The following TRMO variants were observed in gnomAD, a reference collection of about 807,000 sequenced individuals.
TRMO encodes tRNA methyltransferase O.
A neutral mutation model predicts 37.2 loss-of-function variants in TRMO; 30 were observed. The ratio of observed to expected loss-of-function variants is 0.81; its 90% CI spans 0.60 to 1.09. The LOEUF is 1.09. TRMO is among the 50% of genes least tolerant of loss of function. TRMO has a pLI of 0.00. For missense variants in TRMO, 552 were observed against 549.5 expected (o/e 1.00, Z -0.05); for synonymous variants, 239 against 199.4 (o/e 1.20, Z -1.67).
In TRMO at chr9:97,910,632, G is replaced by T. The variant is rs753786534; in HGVS notation, c.410-16C>A. ...ATAGCTCCACCTATGACATAAAAAC[G>T]TGAAAAATGAAGAACAGTGCAAACA... On this transcript the variant is annotated splice_polypyrimidine_tract_variant and intron_variant, in intron 3 of 4. Transcript: ENST00000375119. 2.5e-6 allele frequency: 4 copies of T among 1,609,376 alleles called. No individual in the cohort carries two copies. The East Asian group carries it at 8.9e-5, about 36-fold the overall frequency.
intron 1 of TRMO, among the ~76,000 whole-genome samples, chr9:97,918,003 C>T (rs1310110733): frequency 1.3e-5 from 2 of 151,650 alleles, no homozygotes; most frequent in Non-Finnish European, 2.9e-5. Flanking sequence ...ATTTTTTTAA[C>T]AGTGGTTAAT....
chr9:97,902,978 CA>C (rs1214254456), downstream of TRMO, among the ~76,000 whole-genome samples: 4 of 152,082 alleles, frequency 2.6e-5, no homozygotes, highest in African/African-American at 9.7e-5. Flanking sequence ...TTTAAAAAAT[CA>C]AATTAGCCCA....
rs139021582 is a variant in TRMO, at chr9:97,916,852, C to T, written c.77-514G>A. On this transcript the variant is annotated intron_variant, in intron 1 of 4. Coordinates refer to ENST00000375119, the MANE Select transcript of TRMO (RefSeq NM_016481.5). ...TCCCCAGTAGCTGGGATTACAGGCG[C>T]CCACCACCACGCTCAACTTTTTTTT... 2.5e-3 allele frequency among the ~76,000 whole-genome samples: 371 copies of T among 151,226 alleles called. 7 individuals are homozygous for T. In the East Asian group the frequency reaches 0.057, roughly 23 times the overall value.
At chr9:97,918,784 TAG>T (rs750260423) in intron 1 of TRMO, among the ~76,000 whole-genome samples, 8 of 152,296 alleles carry the variant, frequency 5.3e-5, no homozygotes, top group Non-Finnish European at 1.2e-4. Flanking sequence ...TCCCAAAAAC[TAG>T]AGCGTTACTA....
chr9:97,904,499 A>G lies in TRMO; in HGVS notation c.*234T>C. On this transcript the variant is annotated 3_prime_UTR_variant, in exon 5 of 5. Transcript: ENST00000375119. ...ATTATCGAGACAGCATCACCTTTTG[A>G]TTCTTTAATATCAACAGATCAAAAA... 1 of 1,323,682 alleles carries G rather than the reference A, an allele frequency of 7.6e-7. No individual in the cohort carries two copies. Among genetic ancestry groups the G allele is most frequent in the Non-Finnish European group, 9.6e-7 (1 of 1,038,542 alleles). 82.0% of individuals were successfully genotyped at this position (1,323,682 alleles called of 1,614,324 possible).
chr9:97,911,721 C>G (rs1365522116), intron 3 of TRMO: 7 of 152,116 alleles, frequency 4.6e-5, no homozygotes, highest in African/African-American at 1.4e-4. Flanking sequence ...GTCAGCATTA[C>G]CAAATACTAA....
chr9:97,908,194 C>T (rs1411066782), intron 4 of TRMO, among the ~76,000 whole-genome samples: 2 of 152,116 alleles, frequency 1.3e-5, no homozygotes, highest in Non-Finnish European at 2.9e-5. Flanking sequence ...GGGGGAATCA[C>T]AAGGTCAGGA....
At chr9:97,897,166 C>T in the TRMO span, among the ~76,000 whole-genome samples, 2 of 152,166 alleles carry the variant, frequency 1.3e-5, no homozygotes, top group African/African-American at 4.8e-5. Context: ...TAAATAAATC[C>T]TTTAAAAATA....
At chr9:97,902,175 C>A (rs1332059618), downstream of TRMO, among the ~76,000 whole-genome samples, 1 of 152,234 alleles carries the variant, frequency 6.6e-6, no homozygotes, top group Non-Finnish European at 1.5e-5. Context: ...AAAGAATAAG[C>A]TGCACAGGTC....
At chr9:97,911,015 C>T in intron 3 of TRMO, 1 of 464,442 alleles carries the variant, frequency 2.2e-6, no homozygotes, top group Non-Finnish European at 4.3e-6. Flanking sequence ...GGGACCAACT[C>T]ATCTTTGTAT....
In TRMO at chr9:97,910,082, C is replaced by T. The variant is rs772176479; in HGVS notation, c.944G>A (p.Gly315Glu). The T allele has an allele frequency of 1.2e-6, 2 of 1,613,816 alleles. No homozygotes were observed. Among genetic ancestry groups the T allele is most frequent in the South Asian group, 2.2e-5 (2 of 91,078 alleles). ...TQPMAPHCPAGRADGAPRSVV... is the reference protein window; with the variant it reads ...TQPMAPHCPAERADGAPRSVV... The stretch of plus-strand genomic sequence containing the variant: ...GCTGCGGGGAGCTCCATCAGCCCTT[C>T]CAGCAGGGCAGTGAGGGGCCATGGG... Residue 315 changes from glycine to glutamate, a missense_variant, in exon 4 of 5, where the codon GGA becomes GAA. Physicochemically the swap from Gly to Glu is moderately conservative, Grantham distance 98 (BLOSUM62 -2). Coordinates refer to ENST00000375119, the MANE Select transcript of TRMO (RefSeq NM_016481.5).
At chr9:97,919,015 TTC>T (rs1392270194) in intron 1 of TRMO, among the ~76,000 whole-genome samples, 3 of 152,368 alleles carry the variant, frequency 2.0e-5, no homozygotes, top group Non-Finnish European at 1.5e-5. Context: ...GACTTGCTTT[TTC>T]TCTCTCAATA....
chr9:97,913,531 A>C lies in TRMO; in HGVS notation c.279T>G (p.Gly93=). Residue 93 remains glycine, a synonymous_variant, in exon 3 of 5, where the codon GGT becomes GGG. Transcript: ENST00000375119. ...VWILFVFHKN[G]HLSCKAKVQP... ...GCACTTTTGCCTTACAGCTCAAATGACCATTTTTGTGAAAAACAAACAAAA... is the reference window on the plus strand; with the variant it reads ...GCACTTTTGCCTTACAGCTCAAATGCCCATTTTTGTGAAAAACAAACAAAA... 5.0e-6 allele frequency: 8 copies of C among 1,610,862 alleles called. No individual in the cohort carries two copies. The highest frequency in any genetic ancestry group is 5.9e-6 in the Non-Finnish European group (7 of 1,178,694).
At chr9:97,915,553 C>T (rs949204965) in intron 2 of TRMO, 4 of 152,216 alleles carry the variant, frequency 2.6e-5, no homozygotes, top group African/African-American at 9.7e-5. Flanking sequence ...AATTTCCACT[C>T]AACAGAAGGC....
intron 4 of TRMO, among the ~76,000 whole-genome samples, chr9:97,906,855 AAAAG>A (rs1302850822): frequency 1.9e-4 from 23 of 123,072 alleles, no homozygotes; most frequent in Non-Finnish European, 2.9e-4. Context: ...AAAAAAAAAA[AAAAG>A]AAAGAAAGAA....
chr9:97,908,921 AAAG>A (rs1448606575), intron 4 of TRMO, among the ~76,000 whole-genome samples: 2 of 152,204 alleles, frequency 1.3e-5, no homozygotes, highest in Non-Finnish European at 2.9e-5. Context: ...GTTGTAACAC[AAAG>A]AACAGCTTTT....
intron 4 of TRMO, among the ~76,000 whole-genome samples, chr9:97,905,488 C>A (rs191767841): frequency 8.5e-5 from 13 of 152,282 alleles, no homozygotes; most frequent in African/African-American, 3.1e-4. Flanking sequence ...ATCACAGACC[C>A]GCAGTTACCA....
At chr9:97,910,813 T>C (rs1826090219) in intron 3 of TRMO, 197 bp from the exon 4 acceptor site, 2 of 646,704 alleles carry the variant, frequency 3.1e-6, no homozygotes, top group Non-Finnish European at 2.7e-6. Flanking sequence ...AACTCCTACT[T>C]GCTCTTTGAG....
chr9:97,901,738 G>C (rs1239734590), downstream of TRMO, among the ~76,000 whole-genome samples: 1 of 142,018 alleles, frequency 7.0e-6, no homozygotes, highest in East Asian at 2.1e-4. Flanking sequence ...AGCTTGGATG[G>C]TTGCCTGCTC....
Sources: gnomAD v4.1 joint callset for allele counts (sites outside exome capture counted in the v4.1 genomes callset) on GRCh38, gnomAD v4.1.1 for gene constraint, MANE v1.5 for transcripts, NCBI Gene and HGNC (gene_info 2026-07-23, HGNC 2026-07-21) for gene names.